Variants in SH3BGR observed in about 807,000 individuals in gnomAD.
The protein encoded by SH3BGR is SH3 domain binding glutamate rich protein.
Under a neutral mutation model 24.5 loss-of-function variants are expected in SH3BGR, and 29 were observed. That is an observed-to-expected ratio of 1.18 (90% CI 0.88 to 1.61). The LOEUF is 1.61. SH3BGR is among the 40% of genes most tolerant of loss of function. The pLI is 0.00. For synonymous variants in SH3BGR, 55 were observed against 65.7 expected (o/e 0.84, Z 0.79); for missense variants, 162 against 205.8 (o/e 0.79, Z 1.30).
chr21:39,484,038 C>T (rs1035063433), intron 3 of SH3BGR, among the ~76,000 whole-genome samples: 3 of 152,012 alleles, frequency 2.0e-5, no homozygotes, highest in African/African-American at 7.3e-5. Flanking sequence ...TCAGTAGAAC[C>T]CAGGATATGG....
chr21:39,488,669 A>G, intron 3 of SH3BGR: 1 of 381,784 alleles, frequency 2.6e-6, no homozygotes, highest in South Asian at 2.5e-5. Context: ...ATGGGCGCTG[A>G]AATCCGGCAA....
At position 39,475,041 on chromosome 21, in the gene SH3BGR, C is replaced by T. The variant is rs148713289; in HGVS notation, c.232-94C>T. On this transcript the variant is annotated intron_variant, in intron 2 of 6. Coordinates refer to ENST00000333634, the MANE Select transcript of SH3BGR (RefSeq NM_007341.3). The stretch of plus-strand genomic sequence containing the variant: ...GATGACTTTTTGTGTGAGCTCCTAA[C>T]TTAAGGACTAAGAAATACAAAAGAT... The T allele has an allele frequency of 6.2e-4, 469 of 752,978 alleles. No homozygotes were observed. In the African/African-American group the frequency reaches 7.6e-3, roughly 12 times the overall value. 46.6% of individuals were successfully genotyped at this position (752,978 alleles called of 1,614,324 possible).
intron 4 of SH3BGR, among the ~76,000 whole-genome samples, chr21:39,503,416 T>A (rs1273913982): frequency 1.3e-5 from 2 of 151,578 alleles, no homozygotes; most frequent in Non-Finnish European, 1.5e-5. Flanking sequence ...TTACCTTTTT[T>A]TTAAAAAAAC....
chr21:39,463,408 A>T (rs932876841), intron 2 of SH3BGR, among the ~76,000 whole-genome samples: 1 of 152,232 alleles, frequency 6.6e-6, no homozygotes, highest in Non-Finnish European at 1.5e-5. Flanking sequence ...AAATATTTTT[A>T]AAAAAGGACT....
intron 5 of SH3BGR, among the ~76,000 whole-genome samples, chr21:39,510,771 G>A (rs2078673752): frequency 6.6e-6 from 1 of 151,076 alleles, no homozygotes; most frequent in East Asian, 1.9e-4. Context: ...AGAAATTCCA[G>A]ATTATATATA....
At chr21:39,492,149 G>A (rs563720090) in intron 3 of SH3BGR, among the ~76,000 whole-genome samples, 13 of 151,938 alleles carry the variant, frequency 8.6e-5, no homozygotes, top group Non-Finnish European at 1.5e-4. Flanking sequence ...GTTCTTTAGC[G>A]GTGATTTGTG....
intron 3 of SH3BGR, among the ~76,000 whole-genome samples, chr21:39,487,509 A>G (rs977159366): frequency 2.0e-5 from 3 of 152,206 alleles, no homozygotes; most frequent in Non-Finnish European, 4.4e-5. Flanking sequence ...CCTCAGTGCC[A>G]AAGCTTATAC....
chr21:39,453,567 G>C (rs558881597), intron 1 of SH3BGR, among the ~76,000 whole-genome samples: 1 of 152,188 alleles, frequency 6.6e-6, no homozygotes, highest in African/African-American at 2.4e-5. Flanking sequence ...GATTTTTAAG[G>C]TTTATTTGAT....
At chr21:39,492,477 TATATACAC>T (rs142669056) in intron 3 of SH3BGR, among the ~76,000 whole-genome samples, 49,550 of 147,552 alleles carry the variant, frequency 0.34, 10,239 homozygotes, top group East Asian at 0.65. Context: ...TATATATATA[TATATACAC>T]ACACACACAC....
Position 39,492,466 on chromosome 21 carries a change from G to GTGTGTGTGTA in SH3BGR, c.313-7356_313-7355insGTGTGTGTAT, listed in dbSNP as rs1404293146. Among the ~76,000 whole-genome samples the GTGTGTGTGTA allele has an allele frequency of 2.2e-3, 314 of 139,730 alleles. 1 individual carries two copies. The highest frequency in any genetic ancestry group is 8.6e-3 in the African/African-American group (299 of 34,802). 91.7% of individuals were successfully genotyped at this position (139,730 alleles called of 152,430 possible). A position where few individuals can be genotyped will look rare whatever the true frequency, so the allele number is the denominator to read the frequency against. On this transcript the variant is annotated intron_variant, in intron 3 of 6. Transcript: ENST00000333634. ...TTGGTGTGTGTGTGTGTGTGTGTGT[G>GTGTGTGTGTA]TATATATATATATATACACACACAC...
At chr21:39,454,646 C>G (rs138784089) in intron 1 of SH3BGR, among the ~76,000 whole-genome samples, 2 of 152,326 alleles carry the variant, frequency 1.3e-5, no homozygotes, top group African/African-American at 4.8e-5. Flanking sequence ...AGGACAGACC[C>G]TCATAGTGGC....
chr21:39,453,993 AATT>A (rs2077615494), intron 1 of SH3BGR, among the ~76,000 whole-genome samples: 1 of 152,226 alleles, frequency 6.6e-6, no homozygotes, highest in Non-Finnish European at 1.5e-5. Context: ...TTTCAGTTAC[AATT>A]ATTAGTTACT....
chr21:39,452,297 A>G (rs1304684791), intron 1 of SH3BGR, 156 bp downstream of exon 1: 1 of 353,318 alleles, frequency 2.8e-6, no homozygotes, highest in East Asian at 1.7e-4. Flanking sequence ...ATTTGATTTC[A>G]TAGTGTTGAA....
chr21:39,463,259 A>G (rs894032176), intron 2 of SH3BGR, among the ~76,000 whole-genome samples: 1 of 152,254 alleles, frequency 6.6e-6, no homozygotes, highest in African/African-American at 2.4e-5. Flanking sequence ...TGTAACTTTA[A>G]TTAGTTTGAA....
intron 2 of SH3BGR, among the ~76,000 whole-genome samples, chr21:39,473,154 G>C (rs572436977): frequency 6.6e-6 from 1 of 152,158 alleles, no homozygotes; most frequent in Non-Finnish European, 1.5e-5. Flanking sequence ...AGATAATGAT[G>C]AATTGTTCTT....
chr21:39,449,916 T>A (rs188919392), upstream of SH3BGR, among the ~76,000 whole-genome samples: 1 of 152,292 alleles, frequency 6.6e-6, no homozygotes, highest in African/African-American at 2.4e-5. Context: ...TTAGCTGTTA[T>A]TTGAGTAGGA....
intron 3 of SH3BGR, chr21:39,488,651 G>A (rs2078249429): frequency 5.5e-6 from 2 of 364,912 alleles, no homozygotes; most frequent in Non-Finnish European, 1.1e-5. Flanking sequence ...GAAGAGAAGG[G>A]CACCATCATG....
At chr21:39,491,781 CA>C in intron 3 of SH3BGR, 1 of 218,242 alleles carries the variant, frequency 4.6e-6, no homozygotes, top group East Asian at 1.1e-4. Context: ...TTTCAAATGA[CA>C]AATTTCTTAA....
intron 3 of SH3BGR, among the ~76,000 whole-genome samples, chr21:39,475,727 C>T (rs1474648097): frequency 1.3e-5 from 2 of 152,132 alleles, no homozygotes; most frequent in Non-Finnish European, 2.9e-5. Context: ...CTTCCAGTGA[C>T]GTCTCATCTT....
Sources: allele counts gnomAD v4.1 joint callset (sites outside exome capture counted in the v4.1 genomes callset), GRCh38; gene constraint gnomAD v4.1.1; transcripts MANE v1.5; gene names NCBI Gene and HGNC (gene_info 2026-07-23, HGNC 2026-07-21).